The following TTI1 variants were observed in gnomAD, a reference collection of about 807,000 sequenced individuals.
TTI1 encodes TELO2-interacting protein 1 homolog.
A neutral mutation model predicts 85.4 loss-of-function variants in TTI1; 52 were observed. That is an observed-to-expected ratio of 0.61 (90% CI 0.49 to 0.77). TTI1 has a LOEUF of 0.77. Ranked by LOEUF, TTI1 falls within the 30% of genes least tolerant of loss-of-function variation. The pLI is 0.00. For missense variants in TTI1, 1,173 were observed against 1,296.0 expected, an observed-to-expected ratio of 0.91 and a Z score of 1.46; for synonymous variants, 512 against 503.9, an observed-to-expected ratio of 1.02 and a Z score of -0.22.
At chr20:37,983,944 A>C (rs953645626) in intron 7 of TTI1, among the ~76,000 whole-genome samples, 1 of 152,212 alleles carries the variant, frequency 6.6e-6, no homozygotes, top group Non-Finnish European at 1.5e-5. Flanking sequence ...GTTGAGTTCC[A>C]GAGTAGAAAG....
chr20:38,007,739 G>A (rs987293722), intron 2 of TTI1, among the ~76,000 whole-genome samples: 18 of 152,196 alleles, frequency 1.2e-4, no homozygotes, highest in African/African-American at 3.9e-4. Flanking sequence ...CAGAGCAAGA[G>A]CAGCAGCAGA....
At chr20:38,000,679 G>A (rs538072228) in intron 4 of TTI1, among the ~76,000 whole-genome samples, 108 of 152,344 alleles carry the variant, frequency 7.1e-4, no homozygotes, top group African/African-American at 2.5e-3. Flanking sequence ...CAGGGAGTAA[G>A]AGAAAGCTCA....
intron 7 of TTI1, among the ~76,000 whole-genome samples, chr20:37,989,599 G>C (rs956290068): frequency 6.6e-6 from 1 of 152,190 alleles, no homozygotes; most frequent in Non-Finnish European, 1.5e-5. Context: ...TAGATCCCAC[G>C]ACAGTGTATT....
At chr20:37,996,337 A>G in intron 7 of TTI1, 38 bp downstream of exon 7, 1 of 1,608,274 alleles carries the variant, frequency 6.2e-7, no homozygotes, top group Non-Finnish European at 8.5e-7. Context: ...GTAATTTAGA[A>G]CAAACGTAAA....
chr20:37,993,458 C>T (rs1006787903), intron 7 of TTI1, among the ~76,000 whole-genome samples: 3 of 152,114 alleles, frequency 2.0e-5, no homozygotes, highest in African/African-American at 7.2e-5. Flanking sequence ...CCAGGAAAAG[C>T]AAATGGGAGC....
chr20:37,987,099 T>TTCCAAACC (rs2073200961), intron 7 of TTI1: 1 of 451,350 alleles, frequency 2.2e-6, no homozygotes, highest in Admixed American at 2.4e-5. Context: ...ACACGACAAA[T>TTCCAAACC]TCCAAACCGC....
In TTI1 at chr20:38,011,762, G is replaced by GC; in HGVS notation, c.2054_2055insG (p.Asp685GlufsTer45). 1.2e-6 allele frequency: 2 copies of GC among 1,614,216 alleles called. No individual in the cohort carries two copies. Among genetic ancestry groups the GC allele is most frequent in the Non-Finnish European group, 1.7e-6 (2 of 1,180,038 alleles). ...TTTGATTGATCAGGTGCTGCAGGGA[G>GC]TCGTAGCCACAAGCACGGCAAACGT... On this transcript the variant is annotated frameshift_variant, in exon 2 of 8. Transcript: ENST00000373447. LOFTEE classifies it high-confidence loss of function.
intron 7 of TTI1, 120 bp downstream of exon 7, chr20:37,996,255 A>G: frequency 9.7e-7 from 1 of 1,030,766 alleles, no homozygotes; most frequent in African/African-American, 1.6e-5. Flanking sequence ...TTAAAGAATT[A>G]TCTTAACCTG....
In TTI1 at chr20:37,993,189, C is replaced by A. The variant is rs2073290353; in HGVS notation, c.3086+3186G>T. Among the ~76,000 whole-genome samples, 3 of 148,222 alleles carry A rather than the reference C, an allele frequency of 2.0e-5. No homozygotes were observed. The Admixed American group carries it at 2.0e-4, about 10-fold the overall frequency. On this transcript the variant is annotated intron_variant, in intron 7 of 7. Transcript: ENST00000373447. Reference sequence around the variant, plus strand: ...ACACAGCAAGGTCACATCCTGCCCCCACCATCCCCTGCCCCTCCCCCATGC... The same window carrying A: ...ACACAGCAAGGTCACATCCTGCCCCAACCATCCCCTGCCCCTCCCCCATGC...
intron 7 of TTI1, among the ~76,000 whole-genome samples, chr20:37,993,006 A>G (rs964066340): frequency 4.0e-5 from 6 of 151,670 alleles, no homozygotes; most frequent in Non-Finnish European, 8.8e-5. Flanking sequence ...ACACTGTCTT[A>G]TTTTTAGCTC....
chr20:38,004,206 A>G (rs1356198596), intron 3 of TTI1, among the ~76,000 whole-genome samples: 1 of 152,208 alleles, frequency 6.6e-6, no homozygotes, highest in Non-Finnish European at 1.5e-5. Flanking sequence ...GTAAGTTTGT[A>G]AACGGAAACA....
At chr20:38,019,586 T>C (rs2073733906) in intron 1 of TTI1, among the ~76,000 whole-genome samples, 6 of 151,634 alleles carry the variant, frequency 4.0e-5, no homozygotes, top group Middle Eastern at 3.4e-3. Flanking sequence ...CAGTAAAAAA[T>C]GGGATACTAT....
At chr20:37,991,573 A>G (rs2073265704) in intron 7 of TTI1, among the ~76,000 whole-genome samples, 1 of 152,256 alleles carries the variant, frequency 6.6e-6, no homozygotes, top group Non-Finnish European at 1.5e-5. Context: ...TGACTTCTGC[A>G]AACAGTGGTG....
Position 37,983,096 on chromosome 20 carries a change from T to C in TTI1, c.*360A>G, listed in dbSNP as rs1191476764. 6.0e-6 allele frequency: 1 copy of C among 165,508 alleles called. No homozygotes were observed. The highest frequency in any genetic ancestry group is 2.4e-5 in the African/African-American group (1 of 41,762). The allele number at this position is 165,508 out of a possible 1,614,324, so 10.3% of individuals were successfully genotyped here. A position where few individuals can be genotyped will look rare whatever the true frequency, so the allele number is the denominator to read the frequency against. On this transcript the variant is annotated 3_prime_UTR_variant, in exon 8 of 8. Transcript: ENST00000373447. ...GGTTAGGTAAAACAAATTAGTTCCA[T>C]CTCATTATTTGAAGACAGGGAGGTG...
At position 38,011,825 on chromosome 20, in the gene TTI1, G is replaced by A; in HGVS notation, c.1992C>T (p.Thr664=). 6.2e-7 allele frequency: 1 copy of A among 1,614,160 alleles called. No individual in the cohort carries two copies. The highest frequency in any genetic ancestry group is 8.5e-7 in the Non-Finnish European group (1 of 1,180,036). The change falls in exon 2 of 8, where the codon ACC becomes ACT. Residue 664 remains threonine (T), a synonymous_variant. Coordinates refer to ENST00000373447, the MANE Select transcript of TTI1 (RefSeq NM_001303457.2). The part of the protein sequence containing the change: ...YPVLEKAGDQ[T]LLISQVATST... ...TGGTAGCCACCTGACTAATGAGTAGGGTTTGGTCTCCAGCCTTCTCCAGTA... is the reference window on the plus strand; with the variant it reads ...TGGTAGCCACCTGACTAATGAGTAGAGTTTGGTCTCCAGCCTTCTCCAGTA...
chr20:37,984,211 C>T (rs1173939608), intron 7 of TTI1, among the ~76,000 whole-genome samples: 1 of 152,208 alleles, frequency 6.6e-6, no homozygotes, highest in Non-Finnish European at 1.5e-5. Context: ...GAGCCCGTTT[C>T]CCCACAGGGA....
chr20:37,987,968 G>T (rs1023987194), intron 7 of TTI1, among the ~76,000 whole-genome samples: 1 of 152,172 alleles, frequency 6.6e-6, no homozygotes, highest in Non-Finnish European at 1.5e-5. Flanking sequence ...GGGAGGAAAC[G>T]TGCTCCTGGA....
At chr20:37,987,959 G>A (rs1014142869) in intron 7 of TTI1, among the ~76,000 whole-genome samples, 1 of 152,160 alleles carries the variant, frequency 6.6e-6, no homozygotes, top group Non-Finnish European at 1.5e-5. Context: ...GAATGGGGAG[G>A]GAGGAAACGT....
chr20:38,006,325 A>C lies in TTI1; in HGVS notation c.2375T>G (p.Leu792Trp). The change falls in exon 3 of 8, where the codon TTG (leucine) becomes TGG (tryptophan). Residue 792 changes from leucine (L) to tryptophan (W), a missense_variant. Coordinates refer to ENST00000373447, the MANE Select transcript of TTI1 (RefSeq NM_001303457.2). Reference sequence around the variant, plus strand: ...CTCAAGAGCTGCTGGTCTTTGGTTCAAATGACTTCCCTCTTCTCCTAAACT... The same window carrying C: ...CTCAAGAGCTGCTGGTCTTTGGTTCCAATGACTTCCCTCTTCTCCTAAACT... ...EQSLGEEGSH[L>W]NQRPAALEKS... The C allele has an allele frequency of 1.2e-6, 2 of 1,614,230 alleles. No homozygotes were observed. Among genetic ancestry groups the C allele is most frequent in the Non-Finnish European group, 1.7e-6 (2 of 1,180,044 alleles).
Sources: allele counts gnomAD v4.1 joint callset (sites outside exome capture counted in the v4.1 genomes callset), GRCh38; gene constraint gnomAD v4.1.1; transcripts MANE v1.5; gene names NCBI Gene and HGNC (gene_info 2026-07-23, HGNC 2026-07-21).